The following PRKN variants were observed in gnomAD, a reference collection of about 807,000 sequenced individuals.
The protein encoded by PRKN is E3 ubiquitin-protein ligase parkin.
PRKN carries 56 observed loss-of-function variants against 59.5 expected under a neutral mutation model. That is an observed-to-expected ratio of 0.94 (90% CI 0.76 to 1.18). The LOEUF (loss-of-function observed/expected upper bound fraction) is 1.18, where lower values mean the gene tolerates loss of function less well. Among genes scored for constraint, PRKN ranks in the 50% most tolerant of loss-of-function variants. PRKN has a pLI of 0.00. For synonymous variants in PRKN, 250 were observed against 222.1 expected (o/e 1.13, Z -1.12); for missense variants, 657 against 596.4 (o/e 1.10, Z -1.06).
intron 1 of PRKN, among the ~76,000 whole-genome samples, chr6:162,597,705 C>T (rs1211379791): frequency 6.6e-6 from 1 of 152,174 alleles, no homozygotes; most frequent in South Asian, 2.1e-4. Flanking sequence ...TACAATTTTA[C>T]TCTGCACAAT....
intron 7 of PRKN, among the ~76,000 whole-genome samples, chr6:161,657,264 C>T (rs971199477): frequency 3.3e-5 from 5 of 152,198 alleles, no homozygotes; most frequent in Non-Finnish European, 7.3e-5. Flanking sequence ...TCGCCCATGC[C>T]GCCACTTCTC....
At chr6:162,623,736 C>T (rs1250528974) in intron 1 of PRKN, among the ~76,000 whole-genome samples, 1 of 151,722 alleles carries the variant, frequency 6.6e-6, no homozygotes, top group Non-Finnish European at 1.5e-5. Context: ...CTAGTAAGGC[C>T]CTCTCTATTT....
rs1779866497 is a variant in PRKN at position 161,548,304 on chromosome 6, GAACAAACATTT to G, written c.1083+539_1083+549del. ...CCAGGTCACATGGTTTGACCTCTTA[GAACAAACATTT>G]TCCACATTTCTTATTCTGCTTCCAT... On this transcript the variant is annotated intron_variant, in intron 9 of 11. Transcript: ENST00000366898. The surrounding 1 kb of genome is among the most constrained non-coding windows in gnomAD (Gnocchi z 4.2). Among the ~76,000 whole-genome samples, 1 of 152,140 alleles carries G rather than the reference GAACAAACATTT, an allele frequency of 6.6e-6. No homozygotes were observed. The highest frequency in any genetic ancestry group is 2.4e-5 in the African/African-American group (1 of 41,442).
intron 1 of PRKN, among the ~76,000 whole-genome samples, chr6:162,709,342 A>T (rs1483728256): frequency 6.6e-6 from 1 of 150,920 alleles, no homozygotes; most frequent in African/African-American, 2.4e-5. Flanking sequence ...CTACTGTCTT[A>T]CTGGGTATGC....
At chr6:162,081,485 T>C (rs1418252422) in intron 4 of PRKN, among the ~76,000 whole-genome samples, 1 of 152,070 alleles carries the variant, frequency 6.6e-6, no homozygotes, top group East Asian at 1.9e-4. Context: ...GCACTGGCAT[T>C]GAGAAGTAAT....
intron 6 of PRKN, among the ~76,000 whole-genome samples, chr6:161,897,869 A>C (rs900232819): frequency 6.8e-6 from 1 of 147,432 alleles, no homozygotes; most frequent in Non-Finnish European, 1.5e-5. Flanking sequence ...CGGGAGGCTG[A>C]GGCAGGAGAA....
At chr6:162,208,221 A>G (rs1207519447) in intron 3 of PRKN, among the ~76,000 whole-genome samples, 1 of 152,198 alleles carries the variant, frequency 6.6e-6, no homozygotes, top group Non-Finnish European at 1.5e-5. Flanking sequence ...CAACTGAATC[A>G]AACTGCCTGT....
intron 1 of PRKN, among the ~76,000 whole-genome samples, chr6:162,664,114 A>T (rs182002759): frequency 3.3e-5 from 5 of 151,466 alleles, no homozygotes; most frequent in African/African-American, 7.3e-5. Flanking sequence ...TCAATGTTCA[A>T]CTCCCACCTA....
At chr6:162,348,114 A>C (rs1784480695) in intron 2 of PRKN, among the ~76,000 whole-genome samples, 1 of 152,204 alleles carries the variant, frequency 6.6e-6, no homozygotes, top group African/African-American at 2.4e-5. Flanking sequence ...AAAGGATTAG[A>C]GATAACAGTG....
intron 1 of PRKN, among the ~76,000 whole-genome samples, chr6:162,647,937 A>G (rs2128225918): frequency 9.2e-6 from 1 of 108,962 alleles, no homozygotes; most frequent in East Asian, 2.9e-4. Flanking sequence ...CCATCTCTAT[A>G]TGTCCACAGT....
intron 5 of PRKN, among the ~76,000 whole-genome samples, chr6:162,015,675 G>C (rs1029663982): frequency 2.6e-5 from 4 of 152,088 alleles, no homozygotes; most frequent in Admixed American, 2.0e-4. Flanking sequence ...GTACTCTATA[G>C]CATTCCAGCT....
chr6:162,193,655 A>G (rs1784382173), intron 4 of PRKN, among the ~76,000 whole-genome samples: 1 of 152,196 alleles, frequency 6.6e-6, no homozygotes. Context: ...TCCTATGGCC[A>G]TTTGTAGGAG....
In PRKN at chr6:162,021,033, G is replaced by A. The variant is rs1011232039; in HGVS notation, c.618+33058C>T. Among the ~76,000 whole-genome samples, 13 of 148,342 alleles carry A rather than the reference G, an allele frequency of 8.8e-5. No individual in the cohort carries two copies. In the Admixed American group the frequency reaches 8.8e-4, roughly 10 times the overall value. ...CAGGAGAATTGCTTGAATCCGGGAG[G>A]TGGAAGTTGCAGTGAGTCGAGATCA... On this transcript the variant is annotated intron_variant, in intron 5 of 11. Transcript: ENST00000366898.
intron 11 of PRKN, among the ~76,000 whole-genome samples, chr6:161,351,095 ATATT>A (rs1784531868): frequency 8.4e-6 from 1 of 119,372 alleles, no homozygotes; most frequent in Non-Finnish European, 1.6e-5. Flanking sequence ...ATATTTTTAT[ATATT>A]TATATTTAAA....
chr6:162,442,100 C>A (rs185826138), intron 2 of PRKN, among the ~76,000 whole-genome samples: 4 of 152,110 alleles, frequency 2.6e-5, no homozygotes, highest in Non-Finnish European at 5.9e-5. Flanking sequence ...TTGTGCACAA[C>A]GAGTATGTGC....
chr6:162,063,804 C>A (rs541916129), intron 4 of PRKN, among the ~76,000 whole-genome samples: 1 of 152,212 alleles, frequency 6.6e-6, no homozygotes, highest in African/African-American at 2.4e-5. Flanking sequence ...CTTGGCCTCC[C>A]GTAGTTCCGG....
chr6:161,646,462 T>C (rs13196127), intron 7 of PRKN, among the ~76,000 whole-genome samples: 59,173 of 87,584 alleles, frequency 0.68, 22,574 homozygotes, highest in African/African-American at 0.93. Flanking sequence ...GGCGGCGTAT[T>C]AGTGACAGTG....
intron 2 of PRKN, among the ~76,000 whole-genome samples, chr6:162,372,492 C>T (rs528530124): frequency 4.6e-5 from 7 of 152,148 alleles, no homozygotes; most frequent in South Asian, 2.1e-4. Flanking sequence ...AAATAACTTC[C>T]GAGAGGGTTA....
At position 161,445,331 on chromosome 6, in the gene PRKN, G is replaced by T. The variant is rs1459088812; in HGVS notation, c.1084-58454C>A. ...GACCCAGGGGAGGAGGGCCACTTGG[G>T]CTGGAATGCAGTTGCTGGGGGCTCA... is the stretch of plus-strand genomic sequence containing the variant. On this transcript the variant is annotated intron_variant, in intron 9 of 11. Transcript: ENST00000366898. The surrounding 1 kb of genome is among the most constrained non-coding windows in gnomAD (Gnocchi z 7.7). Among the ~76,000 whole-genome samples the T allele has an allele frequency of 6.6e-6, 1 of 152,180 alleles. No individual in the cohort carries two copies. The highest frequency in any genetic ancestry group is 1.5e-5 in the Non-Finnish European group (1 of 68,018).
Sources: gnomAD v4.1 joint callset for allele counts (sites outside exome capture counted in the v4.1 genomes callset) on GRCh38, gnomAD v4.1.1 for gene constraint, Gnocchi (gnomAD v3.1) non-coding constraint, MANE v1.5 for transcripts, NCBI Gene and HGNC (gene_info 2026-07-23, HGNC 2026-07-21) for gene names.